Variants in NEK1 observed in about 807,000 individuals in gnomAD.
NEK1 encodes serine/threonine-protein kinase Nek1.
NEK1 carries 137 observed loss-of-function variants against 182.1 expected under a neutral mutation model. The observed-to-expected ratio is 0.75, with a 90% CI of 0.65 to 0.87. The LOEUF (loss-of-function observed/expected upper bound fraction) is 0.87. Among genes scored for constraint, NEK1 ranks in the 40% least tolerant of loss-of-function variants. The pLI is 0.00. For synonymous variants in NEK1, 513 were observed against 492.2 expected (o/e 1.04, Z -0.56); for missense variants, 1,391 against 1,494.4 (o/e 0.93, Z 1.14).
At chr4:169,442,206 C>T (rs1247938510) in intron 27 of NEK1, among the ~76,000 whole-genome samples, 1 of 152,174 alleles carries the variant, frequency 6.6e-6, no homozygotes, top group Non-Finnish European at 1.5e-5. Flanking sequence ...TACCTGCATT[C>T]TCAGCATGCT....
chr4:169,433,944 C>T (rs1579576827), intron 28 of NEK1, among the ~76,000 whole-genome samples: 1 of 151,958 alleles, frequency 6.6e-6, no homozygotes, highest in Non-Finnish European at 1.5e-5. Flanking sequence ...GTAAAATTTT[C>T]TCTTCAATTA....
chr4:169,407,906 C>T (rs1732914675), intron 31 of NEK1, among the ~76,000 whole-genome samples: 1 of 152,202 alleles, frequency 6.6e-6, no homozygotes, highest in Non-Finnish European at 1.5e-5. Context: ...TTCTCACACT[C>T]AAGGGAAAAA....
At position 169,448,699 on chromosome 4, in the gene NEK1, G is replaced by A. The variant is rs950672381; in HGVS notation, c.2588-10440C>T. ...GACTCAACAGGAGTTCCAAGATGGC[G>A]GAATAGGAACAGCTCCAGTCTACAG... On this transcript the variant is annotated intron_variant, in intron 27 of 35. Coordinates refer to ENST00000507142, the MANE Select transcript of NEK1 (RefSeq NM_001199397.3). Among the ~76,000 whole-genome samples, 20 of 152,164 alleles carry A rather than the reference G, an allele frequency of 1.3e-4. 1 individual carries two copies. The highest frequency in any genetic ancestry group is 1.9e-4 in the African/African-American group (8 of 41,442).
intron 23 of NEK1, among the ~76,000 whole-genome samples, chr4:169,483,826 A>G (rs1477055853): frequency 1.4e-5 from 2 of 145,876 alleles, no homozygotes; most frequent in African/African-American, 2.6e-5. Context: ...AGACTGTGCC[A>G]CTGCACTCCA....
At chr4:169,539,840 TC>T (rs1293673693) in intron 18 of NEK1, among the ~76,000 whole-genome samples, 1 of 152,112 alleles carries the variant, frequency 6.6e-6, no homozygotes, top group Non-Finnish European at 1.5e-5. Context: ...AACTTCCTTC[TC>T]TAACTTTTAC....
At chr4:169,592,639 G>C (rs1420860089) in intron 5 of NEK1, among the ~76,000 whole-genome samples, 1 of 151,038 alleles carries the variant, frequency 6.6e-6, no homozygotes, top group African/African-American at 2.4e-5. Flanking sequence ...GGGAATGAAA[G>C]GTAACATGTT....
chr4:169,488,090 T>C (rs980489508), intron 23 of NEK1, among the ~76,000 whole-genome samples: 1 of 152,170 alleles, frequency 6.6e-6, no homozygotes, highest in Non-Finnish European at 1.5e-5. Context: ...GTCAGATGGA[T>C]AGATTGCAAA....
intron 19 of NEK1, among the ~76,000 whole-genome samples, chr4:169,537,594 A>T (rs1758713564): frequency 6.6e-6 from 1 of 152,196 alleles, no homozygotes; most frequent in Non-Finnish European, 1.5e-5. Context: ...CAACAATAGA[A>T]TTCCACCCCT....
rs201610555 is a variant in NEK1 at position 169,590,779 on chromosome 4, C to A, written c.343G>T (p.Ala115Ser). Reference sequence around the variant, plus strand: ...TTTCTATCATGTACATGTTTCAGGGCCAAACATATCTGTACAAACCAGTCC... The same window carrying A: ...TTTCTATCATGTACATGTTTCAGGGACAAACATATCTGTACAAACCAGTCC... ...ILDWFVQICLALKHVHDRKIL... is the reference protein window; with the variant it reads ...ILDWFVQICLSLKHVHDRKIL... The change falls in exon 6 of 36, where the codon GCC (alanine) becomes TCC (serine). Residue 115 changes from alanine (A) to serine (S), a missense_variant. By Grantham distance (99) the Ala-to-Ser change is moderately conservative (BLOSUM62 1). Around this residue, in one of 5 missense-constraint regions of NEK1, gnomAD observed 116 missense variants for 114.5 expected, o/e 1.01. Coordinates refer to ENST00000507142, the MANE Select transcript of NEK1 (RefSeq NM_001199397.3). The A allele has an allele frequency of 1.2e-5, 19 of 1,598,578 alleles. No homozygotes were observed. Among genetic ancestry groups the A allele is most frequent in the Admixed American group, 1.7e-5 (1 of 57,926 alleles).
Position 169,585,552 on chromosome 4 carries a change from A to G in NEK1, c.607-3T>C, listed in dbSNP as rs55679731. 0.095 allele frequency: 150,848 copies of G among 1,586,266 alleles called. 8,277 individuals carry two copies. Among genetic ancestry groups the G allele is most frequent in the Non-Finnish European group, 0.11 (131,283 of 1,158,814 alleles). ...TTTTTCATACTGCCAGCTTCAAACT[A>G]AATTCCAGAAAATAAATAACATATA... On this transcript the variant is annotated splice_polypyrimidine_tract_variant and splice_region_variant and intron_variant, in intron 9 of 35. Coordinates refer to ENST00000507142, the MANE Select transcript of NEK1 (RefSeq NM_001199397.3).
intron 31 of NEK1, among the ~76,000 whole-genome samples, chr4:169,409,749 C>A (rs1733331521): frequency 6.6e-6 from 1 of 152,104 alleles, no homozygotes; most frequent in African/African-American, 2.4e-5. Context: ...GCCTGGGCGA[C>A]AGAGCGAGAC....
At chr4:169,448,659 T>G (rs181064223) in intron 27 of NEK1, among the ~76,000 whole-genome samples, 3 of 152,164 alleles carry the variant, frequency 2.0e-5, no homozygotes, top group African/African-American at 7.2e-5. Flanking sequence ...AGTGGCTGAA[T>G]AGATTAAAAA....
intron 19 of NEK1, among the ~76,000 whole-genome samples, chr4:169,521,580 T>C (rs1326061927): frequency 6.6e-6 from 1 of 152,270 alleles, no homozygotes; most frequent in Non-Finnish European, 1.5e-5. Context: ...TGTCTCTTTT[T>C]ATCTCTTTGT....
chr4:169,508,247 C>T lies in NEK1; in HGVS notation c.1833+1G>A, dbSNP rs1296322530. On this transcript the variant is annotated splice_donor_variant, in intron 21 of 35. Transcript: ENST00000507142. LOFTEE classifies it high-confidence loss of function. ...TTCAAAAAAATAGCTTTTCAACCTACCTTTTCACCACGAAGTTTGGCTTTA... is the reference window on the plus strand; with the variant it reads ...TTCAAAAAAATAGCTTTTCAACCTATCTTTTCACCACGAAGTTTGGCTTTA... 6.3e-7 allele frequency: 1 copy of T among 1,584,266 alleles called. No individual in the cohort carries two copies. Among genetic ancestry groups the T allele is most frequent in the East Asian group, 2.3e-5 (1 of 43,836 alleles).
intron 12 of NEK1, among the ~76,000 whole-genome samples, chr4:169,569,838 G>A (rs867322400): frequency 6.6e-5 from 10 of 152,126 alleles, no homozygotes; most frequent in Non-Finnish European, 1.5e-4. Context: ...ATCTCGGCTC[G>A]CTACAACCTC....
intron 31 of NEK1, among the ~76,000 whole-genome samples, chr4:169,410,542 C>T (rs1444624728): frequency 6.6e-6 from 1 of 152,160 alleles, no homozygotes; most frequent in Non-Finnish European, 1.5e-5. Flanking sequence ...CTGTTTACTG[C>T]AATTAAATGC....
In NEK1 at chr4:169,439,105, T is replaced by C. The variant is rs78930065; in HGVS notation, c.2588-846A>G. Among the ~76,000 whole-genome samples the C allele has an allele frequency of 4.4e-4, 67 of 152,334 alleles. 1 individual carries two copies. In the East Asian group the frequency reaches 0.012, roughly 28 times the overall value. The stretch of plus-strand genomic sequence containing the variant: ...TAAAATTCACAGAAATTCCATAATA[T>C]AGTCATTCTCTTGTGCATCCTCAAC... On this transcript the variant is annotated intron_variant, in intron 27 of 35. Transcript: ENST00000507142.
chr4:169,557,791 C>T (rs1317665216), intron 16 of NEK1, among the ~76,000 whole-genome samples: 4 of 151,884 alleles, frequency 2.6e-5, no homozygotes, highest in Non-Finnish European at 4.4e-5. Context: ...ATTAGCCGGG[C>T]GCAGTGGCAT....
At chr4:169,502,416 C>A (rs1360819311) in intron 23 of NEK1, among the ~76,000 whole-genome samples, 6 of 151,826 alleles carry the variant, frequency 4.0e-5, no homozygotes, top group Non-Finnish European at 7.4e-5. Flanking sequence ...CAAAATATGG[C>A]AAGGGCACAA....
Sources: allele counts gnomAD v4.1 joint callset (sites outside exome capture counted in the v4.1 genomes callset), GRCh38; gene constraint gnomAD v4.1.1; regional missense constraint gnomAD v4.1.1; transcripts MANE v1.5; gene names NCBI Gene and HGNC (gene_info 2026-07-23, HGNC 2026-07-21).